The following CSMD3 variants were observed in gnomAD, a reference collection of about 807,000 sequenced individuals.
CSMD3 encodes the protein CUB and Sushi multiple domains 3.
In CSMD3, 177 loss-of-function variants were observed where a neutral mutation model predicts 435.2. That is an observed-to-expected ratio of 0.41 (90% CI 0.36 to 0.46). The LOEUF is 0.46. Among genes scored for constraint, CSMD3 ranks in the 20% least tolerant of loss-of-function variants. CSMD3 has a pLI of 0.34. For synonymous variants in CSMD3, 1,656 were observed against 1,520.5 expected, an observed-to-expected ratio of 1.09 and a Z score of -2.07; for missense variants, 4,265 against 4,504.6, an observed-to-expected ratio of 0.95 and a Z score of 1.52.
At chr8:112,229,600 T>C (rs1480665851) in intron 69 of CSMD3, among the ~76,000 whole-genome samples, 1 of 151,986 alleles carries the variant, frequency 6.6e-6, no homozygotes, top group Non-Finnish European at 1.5e-5. Context: ...GGCTAACTTT[T>C]GTATTTTTTG....
intron 10 of CSMD3, among the ~76,000 whole-genome samples, chr8:112,866,617 G>T (rs1203474174): frequency 6.6e-6 from 1 of 152,088 alleles, no homozygotes; most frequent in Non-Finnish European, 1.5e-5. Flanking sequence ...GTTAAGTGTT[G>T]TAGTCTTGCC....
chr8:112,237,169 C>T, intron 67 of CSMD3, 21 bp downstream of exon 67: 1 of 1,612,266 alleles, frequency 6.2e-7, no homozygotes, highest in South Asian at 1.1e-5. Context: ...GTATATTTCG[C>T]TGCTGTTTTT....
intron 3 of CSMD3, among the ~76,000 whole-genome samples, chr8:113,228,862 C>T (rs1052013861): frequency 6.6e-6 from 1 of 151,588 alleles, no homozygotes; most frequent in Non-Finnish European, 1.5e-5. Flanking sequence ...GTAGAAATAA[C>T]TGACGTGTAT....
At chr8:113,029,658 C>G (rs991393103) in intron 5 of CSMD3, among the ~76,000 whole-genome samples, 13 of 151,612 alleles carry the variant, frequency 8.6e-5, no homozygotes, top group African/African-American at 3.1e-4. Context: ...GAAACACCCA[C>G]AGCCAACATT....
intron 13 of CSMD3, among the ~76,000 whole-genome samples, chr8:112,734,203 T>C (rs1211318265): frequency 6.6e-6 from 1 of 151,066 alleles, no homozygotes. Flanking sequence ...AATATATATA[T>C]ACATCGGTGC....
chr8:112,618,857 T>C (rs1436937200), intron 22 of CSMD3, among the ~76,000 whole-genome samples: 1 of 152,158 alleles, frequency 6.6e-6, no homozygotes, highest in Non-Finnish European at 1.5e-5. Flanking sequence ...CTGTTTCTTT[T>C]TGGGCTTAAT....
chr8:112,981,041 G>A (rs938895356), intron 6 of CSMD3, among the ~76,000 whole-genome samples: 1 of 151,272 alleles, frequency 6.6e-6, no homozygotes, highest in East Asian at 1.9e-4. Context: ...TCCTGGAAAA[G>A]AACTAGTTTA....
intron 4 of CSMD3, among the ~76,000 whole-genome samples, chr8:113,121,765 A>G (rs975627780): frequency 6.6e-6 from 1 of 152,110 alleles, no homozygotes; most frequent in African/African-American, 2.4e-5. Context: ...GGATTTGTTT[A>G]CAGTTCTTTA....
At chr8:112,884,595 T>A (rs1031154378) in intron 10 of CSMD3, among the ~76,000 whole-genome samples, 1 of 151,720 alleles carries the variant, frequency 6.6e-6, no homozygotes, top group Admixed American at 6.6e-5. Context: ...ATCAAACTTG[T>A]TCCCAGACAT....
At chr8:112,397,334 T>C (rs1221001946) in intron 35 of CSMD3, among the ~76,000 whole-genome samples, 1 of 152,222 alleles carries the variant, frequency 6.6e-6, no homozygotes, top group African/African-American at 2.4e-5. Flanking sequence ...GTCAACTTTA[T>C]GGATTTACAC....
chr8:113,356,875 T>C (rs536707804), intron 1 of CSMD3, among the ~76,000 whole-genome samples: 2 of 152,244 alleles, frequency 1.3e-5, no homozygotes, highest in Admixed American at 1.3e-4. Flanking sequence ...ATTTATATGT[T>C]CCTTAAGTAA....
rs1234450916 is a variant in CSMD3 at position 112,823,094 on chromosome 8, T to A, written c.1859+6592A>T. ...CATCAGGGATATTGGCTTGAAGTTT[T>A]CTTTTGTTGTTGTGTCTTTGCCAGG... On this transcript the variant is annotated intron_variant, in intron 12 of 70. Transcript: ENST00000297405. 5.9e-5 allele frequency among the ~76,000 whole-genome samples: 9 copies of A among 152,182 alleles called. No individual in the cohort carries two copies. In the East Asian group the frequency reaches 1.7e-3, roughly 29 times the overall value.
chr8:113,037,576 T>C (rs887413802), intron 5 of CSMD3, among the ~76,000 whole-genome samples: 3 of 152,132 alleles, frequency 2.0e-5, no homozygotes, highest in Non-Finnish European at 4.4e-5. Flanking sequence ...TTGTACTACA[T>C]TGACAATTTT....
chr8:113,429,077 CAA>C (rs971048204), intron 1 of CSMD3, among the ~76,000 whole-genome samples: 2 of 151,734 alleles, frequency 1.3e-5, no homozygotes, highest in African/African-American at 4.8e-5. Context: ...TTCAACTCCT[CAA>C]AGAGTAGAAT....
At chr8:112,689,525 T>C (rs1426225737) in intron 14 of CSMD3, among the ~76,000 whole-genome samples, 1 of 152,058 alleles carries the variant, frequency 6.6e-6, no homozygotes, top group African/African-American at 2.4e-5. Flanking sequence ...AATAAACATA[T>C]ACTATCTTAT....
At chr8:113,405,957 G>T (rs1467615801) in intron 1 of CSMD3, among the ~76,000 whole-genome samples, 1 of 151,742 alleles carries the variant, frequency 6.6e-6, no homozygotes, top group Admixed American at 6.6e-5. Flanking sequence ...GAGTTGCATT[G>T]AACTATGTCC....
chr8:112,415,557 G>C (rs975036291), intron 32 of CSMD3, among the ~76,000 whole-genome samples: 2 of 152,336 alleles, frequency 1.3e-5, no homozygotes, highest in Middle Eastern at 3.4e-3. Context: ...GCACTGCCTA[G>C]TGGAGCTATG....
chr8:113,051,579 G>A (rs2088096173), intron 5 of CSMD3, among the ~76,000 whole-genome samples: 1 of 152,076 alleles, frequency 6.6e-6, no homozygotes, highest in African/African-American at 2.4e-5. Flanking sequence ...TATACAAACA[G>A]ATATTTGTTG....
At chr8:112,491,369 T>C (rs1820674192) in intron 31 of CSMD3, among the ~76,000 whole-genome samples, 1 of 152,122 alleles carries the variant, frequency 6.6e-6, no homozygotes, top group Non-Finnish European at 1.5e-5. Flanking sequence ...TAATATGTAC[T>C]CTCGGCCGGG....
Sources: allele counts gnomAD v4.1 joint callset (sites outside exome capture counted in the v4.1 genomes callset), GRCh38; gene constraint gnomAD v4.1.1; transcripts MANE v1.5; gene names NCBI Gene and HGNC (gene_info 2026-07-23, HGNC 2026-07-21).